Variants in SLC30A2 observed in about 807,000 individuals in gnomAD.
The protein encoded by SLC30A2 is proton-coupled zinc antiporter SLC30A2.
Under a neutral mutation model 39.6 loss-of-function variants are expected in SLC30A2, and 19 were observed. That is an observed-to-expected ratio of 0.48 (90% confidence interval 0.34 to 0.70). The LOEUF is 0.70. Among genes scored for constraint, SLC30A2 ranks in the 30% least tolerant of loss-of-function variants. The pLI is 0.01. For missense variants in SLC30A2, 387 were observed against 479.4 expected, an observed-to-expected ratio of 0.81 and a Z score of 1.80; for synonymous variants, 195 against 194.8, an observed-to-expected ratio of 1.00 and a Z score of -0.01.
chr1:26,045,657 T>C (rs1390004635), intron 1 of SLC30A2, among the ~76,000 whole-genome samples, 190 bp downstream of exon 1: 1 of 152,118 alleles, frequency 6.6e-6, no homozygotes, highest in Non-Finnish European at 1.5e-5. Context: ...GGTCAGAATC[T>C]GGGCTGCGCC....
chr1:26,045,443 G>A, intron 1 of SLC30A2: 1 of 603,162 alleles, frequency 1.7e-6, no homozygotes, highest in Non-Finnish European at 2.9e-6. Context: ...TGAAGACCCT[G>A]GGAACCGGCC....
chr1:26,043,840 T>G (rs1162622471), intron 3 of SLC30A2, among the ~76,000 whole-genome samples: 1 of 152,196 alleles, frequency 6.6e-6, no homozygotes, highest in East Asian at 1.9e-4. Flanking sequence ...GTTCAGCTAG[T>G]AAACTGAGGC....
rs1454324434 is a variant in SLC30A2, at chr1:26,039,320, G to A, written c.974-15C>T. 7.5e-6 allele frequency: 12 copies of A among 1,602,818 alleles called. No homozygotes were observed. Among genetic ancestry groups the A allele is most frequent in the Admixed American group, 1.7e-5 (1 of 59,932 alleles). On this transcript the variant is annotated splice_polypyrimidine_tract_variant and intron_variant, in intron 7 of 7. Transcript: ENST00000374276. This position sits in a 1 kb window ranked among gnomAD's most constrained non-coding sequence, Gnocchi z 4.3. ...TGTATTCTGAGCTGGGGGCCGAGAG[G>A]ACACAGCGGGGGAAGCCATTTACTC... is the stretch of plus-strand genomic sequence containing the variant.
chr1:26,043,367 G>C (rs1248219028), intron 4 of SLC30A2, 31 bp downstream of exon 4: 1 of 1,603,622 alleles, frequency 6.2e-7, no homozygotes, highest in Non-Finnish European at 8.5e-7. Context: ...GGAGGAGGAG[G>C]GGAGACGAGG....
In SLC30A2 at chr1:26,043,431, A is replaced by T; in HGVS notation, c.539T>A (p.Ile180Asn). The T allele has an allele frequency of 6.2e-7, 1 of 1,614,168 alleles. No individual in the cohort carries two copies. The highest frequency in any genetic ancestry group is 8.5e-7 in the Non-Finnish European group (1 of 1,180,018). ...CACAGCCACAGCGCAGCCCGACGTG[A>T]TCAGCATGGTCCCCCCGTCAATTTC... Reference protein sequence around the residue: ...DYEIDGGTMLITSGCAVAVNI... With the variant: ...DYEIDGGTMLNTSGCAVAVNI... Residue 180 changes from isoleucine to asparagine, a missense_variant, in exon 4 of 8, where the codon ATC (isoleucine) becomes AAC (asparagine). Transcript: ENST00000374276.
rs556111409 is a variant in SLC30A2, at chr1:26,039,443, C to G, written c.974-138G>C. ...CATGGAGAAGCCCCCAGATTCCATT[C>G]CTCTGCCAGGTAGCCTCCCAGCCCA... On this transcript the variant is annotated intron_variant, in intron 7 of 7. Transcript: ENST00000374276. This position sits in a 1 kb window ranked among gnomAD's most constrained non-coding sequence, Gnocchi z 4.3. 1 of 708,264 alleles carries G rather than the reference C, an allele frequency of 1.4e-6. No individual in the cohort carries two copies. Among genetic ancestry groups the G allele is most frequent in the African/African-American group, 1.8e-5 (1 of 56,422 alleles). The allele number at this position is 708,264 out of a possible 1,614,324, so 43.9% of individuals were successfully genotyped here. A position where few individuals can be genotyped will look rare whatever the true frequency, so the allele number is the denominator to read the frequency against.
chr1:26,038,365 A>ATGTAGGCTG lies in SLC30A2; in HGVS notation c.*794_*795insCAGCCTACA, dbSNP rs1464667702. 2.6e-5 allele frequency: 4 copies of ATGTAGGCTG among 152,282 alleles called. No individual in the cohort carries two copies. The highest frequency in any genetic ancestry group is 5.9e-5 in the Non-Finnish European group (4 of 68,070). The allele number at this position is 152,282 out of a possible 1,614,324, so 9.4% of individuals were successfully genotyped here. A position where few individuals can be genotyped will look rare whatever the true frequency, so the allele number is the denominator to read the frequency against. ...CACCATGTCAGGCTCCGACTGGGTC[A>ATGTAGGCTG]GGCCAGGTAGGCAACAGAGTTGGCC... On this transcript the variant is annotated 3_prime_UTR_variant, in exon 8 of 8. Transcript: ENST00000374276.
intron 1 of SLC30A2, chr1:26,045,450 G>C (rs1458600356): frequency 3.3e-6 from 2 of 599,636 alleles, no homozygotes; most frequent in South Asian, 2.0e-5. Context: ...CCTGGGAACC[G>C]GCCAAGGGGC....
At chr1:26,043,950 C>G (rs557926546) in intron 3 of SLC30A2, among the ~76,000 whole-genome samples, 1 of 152,174 alleles carries the variant, frequency 6.6e-6, no homozygotes, top group African/African-American at 2.4e-5. Context: ...CTTCCAGCAG[C>G]CTTTGCTGGC....
In SLC30A2 at chr1:26,039,696, G is replaced by A; in HGVS notation, c.973+81C>T. The A allele has an allele frequency of 2.1e-6, 3 of 1,460,788 alleles. No homozygotes were observed. The highest frequency in any genetic ancestry group is 2.8e-6 in the Non-Finnish European group (3 of 1,069,860). The allele number at this position is 1,460,788 out of a possible 1,614,324, so 90.5% of individuals were successfully genotyped here. On this transcript the variant is annotated intron_variant, in intron 7 of 7. Transcript: ENST00000374276. This position sits in a 1 kb window ranked among gnomAD's most constrained non-coding sequence, Gnocchi z 4.3. ...ATGCATGGGCACTGTGAGCATCTGG[G>A]GTCACCTGGACCCGTTGGGGATGGC...
In SLC30A2 at chr1:26,039,510, T is replaced by G. The variant is rs1180481421; in HGVS notation, c.974-205A>C. ...GAAAGAGCTGGTAAAGCACTGGCCT[T>G]AAGGCCAGGAATCTGCCACCTACTG... On this transcript the variant is annotated intron_variant, in intron 7 of 7. Transcript: ENST00000374276. This position sits in a 1 kb window ranked among gnomAD's most constrained non-coding sequence, Gnocchi z 4.3. Among the ~76,000 whole-genome samples the G allele has an allele frequency of 6.6e-6, 1 of 152,238 alleles. No individual in the cohort carries two copies.
intron 6 of SLC30A2, among the ~76,000 whole-genome samples, chr1:26,040,410 G>A (rs562442623): frequency 6.6e-6 from 1 of 152,012 alleles, no homozygotes; most frequent in South Asian, 2.1e-4. Context: ...CACCACGCCC[G>A]GCTAATTTTT....
chr1:26,045,590 C>G (rs961587135), intron 1 of SLC30A2: 1 of 655,616 alleles, frequency 1.5e-6, no homozygotes. Context: ...CTGGGCGGGG[C>G]GGGACTCCAG....
At position 26,045,825 on chromosome 1, in the gene SLC30A2, C is replaced by A. The variant is rs374914118; in HGVS notation, c.50+22G>T. The A allele has an allele frequency of 1.1e-5, 17 of 1,613,516 alleles. No individual in the cohort carries two copies. The East Asian group carries it at 2.2e-4, about 21-fold the overall frequency. ...GTCGGCTGCCGCCAAAATTCCCGCCCGTCCCCAGGCTCTCGCCTTACCGGA... is the reference window on the plus strand; with the variant it reads ...GTCGGCTGCCGCCAAAATTCCCGCCAGTCCCCAGGCTCTCGCCTTACCGGA... On this transcript the variant is annotated intron_variant, in intron 1 of 7. Transcript: ENST00000374276.
At chr1:26,042,819 C>T in intron 4 of SLC30A2, 111 bp from the exon 5 acceptor site, 2 of 985,868 alleles carry the variant, frequency 2.0e-6, no homozygotes, top group South Asian at 1.6e-5. Context: ...ACCTTGTGAT[C>T]TCTTTGGCCA....
intron 4 of SLC30A2, 117 bp from the exon 5 acceptor site, chr1:26,042,825 G>A (rs557293643): frequency 2.1e-6 from 2 of 935,898 alleles, no homozygotes; most frequent in African/African-American, 1.7e-5. Context: ...TGATCTCTTT[G>A]GCCATGTGAG....
chr1:26,038,319 C>A lies in SLC30A2; in HGVS notation c.*841G>T. On this transcript the variant is annotated 3_prime_UTR_variant, in exon 8 of 8. Transcript: ENST00000374276. ...GCTGGCCTCTGGACCGAGTGCAGCC[C>A]CACTTGTCTCCCTTTCCCTCCACCA... 1 of 152,396 alleles carries A rather than the reference C, an allele frequency of 6.6e-6. No homozygotes were observed. 9.4% of individuals were successfully genotyped at this position (152,396 alleles called of 1,614,324 possible). A position where few individuals can be genotyped will look rare whatever the true frequency, so the allele number is the denominator to read the frequency against.
At chr1:26,041,478 A>G (rs569890996) in intron 6 of SLC30A2, among the ~76,000 whole-genome samples, 1 of 152,020 alleles carries the variant, frequency 6.6e-6, no homozygotes, top group Non-Finnish European at 1.5e-5. Context: ...GGAAGGGAAG[A>G]CTCGGGCTGG....
chr1:26,042,534 T>G lies in SLC30A2; in HGVS notation c.732+15A>C, dbSNP rs1474925160. 3.1e-6 allele frequency: 5 copies of G among 1,608,352 alleles called. No individual in the cohort carries two copies. The highest frequency in any genetic ancestry group is 4.3e-6 in the Non-Finnish European group (5 of 1,175,386). Reference sequence around the variant, plus strand: ...CTCCCCTGCCACCCCCACCACCCTGTGTCCCAGCTCTGACCTTGAAGTATA... The same window carrying G: ...CTCCCCTGCCACCCCCACCACCCTGGGTCCCAGCTCTGACCTTGAAGTATA... On this transcript the variant is annotated intron_variant, in intron 5 of 7. Coordinates refer to ENST00000374276, the MANE Select transcript of SLC30A2 (RefSeq NM_001004434.3).
Sources: gnomAD v4.1 joint callset for allele counts (sites outside exome capture counted in the v4.1 genomes callset) on GRCh38, gnomAD v4.1.1 for gene constraint, Gnocchi (gnomAD v3.1) non-coding constraint, MANE v1.5 for transcripts, NCBI Gene and HGNC (gene_info 2026-07-23, HGNC 2026-07-21) for gene names.